Variants in TMPRSS11D observed in about 807,000 individuals in gnomAD.
The protein encoded by TMPRSS11D is transmembrane protease serine 11D.
TMPRSS11D carries 32 observed loss-of-function variants against 44.4 expected under a neutral mutation model. That is an observed-to-expected ratio of 0.72 (90% CI 0.54 to 0.97). The LOEUF (loss-of-function observed/expected upper bound fraction) is 0.97, where lower values mean the gene tolerates loss of function less well. Among genes scored for constraint, TMPRSS11D ranks in the 50% least tolerant of loss-of-function variants. The pLI is 0.00. For synonymous variants in TMPRSS11D, 179 were observed against 177.9 expected, an observed-to-expected ratio of 1.01 and a Z score of -0.05; for missense variants, 446 against 502.6, an observed-to-expected ratio of 0.89 and a Z score of 1.08.
chr4:67,844,024 C>G (rs1718298645), intron 3 of TMPRSS11D, among the ~76,000 whole-genome samples: 1 of 152,232 alleles, frequency 6.6e-6, no homozygotes, highest in Non-Finnish European at 1.5e-5. Flanking sequence ...TGAGGCATAA[C>G]ATTCAGATTC....
rs1718200925 is a variant in TMPRSS11D at position 67,840,235 on chromosome 4, G to A, written c.318-1906C>T. Among the ~76,000 whole-genome samples, 3 of 152,196 alleles carry A rather than the reference G, an allele frequency of 2.0e-5. No homozygotes were observed. In the South Asian group the frequency reaches 6.2e-4, roughly 32 times the overall value. The stretch of plus-strand genomic sequence containing the variant: ...CAAAGAAAAGAGGTCCTGCATGGCT[G>A]CGGAGGCCTCAGGAAATTTACAATC... On this transcript the variant is annotated intron_variant, in intron 4 of 9. Transcript: ENST00000283916.
At chr4:67,851,879 G>A (rs139851858) in intron 3 of TMPRSS11D, among the ~76,000 whole-genome samples, 1 of 152,096 alleles carries the variant, frequency 6.6e-6, no homozygotes, top group African/African-American at 2.4e-5. Context: ...CTATTCCCTG[G>A]CAGCACTTCT....
At position 67,841,209 on chromosome 4, in the gene TMPRSS11D, C is replaced by T. The variant is rs111294214; in HGVS notation, c.317+1349G>A. Among the ~76,000 whole-genome samples the T allele has an allele frequency of 8.7e-4, 132 of 152,162 alleles. 1 individual carries two copies. Among genetic ancestry groups the T allele is most frequent in the African/African-American group, 3.1e-3 (128 of 41,532 alleles). The stretch of plus-strand genomic sequence containing the variant: ...CTAGAGATACAACTTTGAGAGCACT[C>T]AGCATATGGGTGGCAGTGAAGGCCA... On this transcript the variant is annotated intron_variant, in intron 4 of 9. Coordinates refer to ENST00000283916, the MANE Select transcript of TMPRSS11D (RefSeq NM_004262.3).
chr4:67,873,972 T>C (rs1560550381), intron 1 of TMPRSS11D, among the ~76,000 whole-genome samples: 1 of 152,164 alleles, frequency 6.6e-6, no homozygotes, highest in African/African-American at 2.4e-5. Context: ...ATGAAACATA[T>C]AACAACATCT....
chr4:67,822,371 T>A lies in TMPRSS11D; in HGVS notation c.1223A>T (p.Tyr408Phe). Reference sequence around the variant, plus strand: ...AGTTTGTTGCCTAATCCAGTCAAGGTAGGCTGTCACTCGAGTATACACTCC... The same window carrying A: ...AGTTTGTTGCCTAATCCAGTCAAGGAAGGCTGTCACTCGAGTATACACTCC... ...KPGVYTRVTA[Y>F]LDWIRQQTGI is the part of the protein sequence containing the mutation. Residue 408 changes from tyrosine (Y) to phenylalanine (F), a missense_variant, in exon 10 of 10, where the codon TAC becomes TTC. By Grantham distance (22) the Tyr-to-Phe change is conservative. Coordinates refer to ENST00000283916, the MANE Select transcript of TMPRSS11D (RefSeq NM_004262.3). 1 of 1,613,878 alleles carries A rather than the reference T, an allele frequency of 6.2e-7. No individual in the cohort carries two copies. Among genetic ancestry groups the A allele is most frequent in the Non-Finnish European group, 8.5e-7 (1 of 1,179,818 alleles).
intron 6 of TMPRSS11D, among the ~76,000 whole-genome samples, chr4:67,833,860 T>G (rs1053579353): frequency 5.3e-5 from 8 of 152,190 alleles, no homozygotes; most frequent in African/African-American, 1.9e-4. Flanking sequence ...GTGAGGTTCA[T>G]GCACACATTG....
intron 1 of TMPRSS11D, among the ~76,000 whole-genome samples, chr4:67,866,044 A>G (rs547418838): frequency 1.3e-5 from 2 of 152,090 alleles, no homozygotes; most frequent in African/African-American, 4.8e-5. Flanking sequence ...CACACACACA[A>G]GAAGGGAAAA....
intron 1 of TMPRSS11D, among the ~76,000 whole-genome samples, chr4:67,865,457 A>C (rs957400715): frequency 6.6e-5 from 10 of 152,060 alleles, no homozygotes; most frequent in African/African-American, 1.9e-4. Flanking sequence ...CTAAACTAGC[A>C]GAAGAAAATA....
intron 5 of TMPRSS11D, among the ~76,000 whole-genome samples, chr4:67,836,471 G>A (rs1355354526): frequency 6.6e-6 from 1 of 152,036 alleles, no homozygotes; most frequent in African/African-American, 2.4e-5. Context: ...ACAAGGTTTG[G>A]GTATCACATT....
intron 1 of TMPRSS11D, among the ~76,000 whole-genome samples, chr4:67,876,360 GTCTT>G (rs1415746945): frequency 1.1e-4 from 16 of 152,076 alleles, no homozygotes; most frequent in African/African-American, 3.9e-4. Context: ...AAATTTGGTA[GTCTT>G]TCTATATGTA....
intron 1 of TMPRSS11D, among the ~76,000 whole-genome samples, chr4:67,880,223 T>A (rs573253818): frequency 6.6e-6 from 1 of 152,342 alleles, no homozygotes; most frequent in East Asian, 1.9e-4. Flanking sequence ...TTTTTATTAA[T>A]AGATGTCTCG....
chr4:67,871,888 T>C (rs1269942394), intron 1 of TMPRSS11D, among the ~76,000 whole-genome samples: 1 of 152,142 alleles, frequency 6.6e-6, no homozygotes, highest in African/African-American at 2.4e-5. Flanking sequence ...TTTAAGTAAA[T>C]TTCTCTAGGA....
At chr4:67,874,285 G>T (rs971122114) in intron 1 of TMPRSS11D, among the ~76,000 whole-genome samples, 4 of 148,798 alleles carry the variant, frequency 2.7e-5, no homozygotes, top group African/African-American at 9.9e-5. Flanking sequence ...GTCAAGTAAC[G>T]CATGACTGGT....
chr4:67,825,516 T>C (rs1448880109), intron 9 of TMPRSS11D, among the ~76,000 whole-genome samples: 4 of 152,130 alleles, frequency 2.6e-5, no homozygotes, highest in African/African-American at 9.7e-5. Context: ...TTTGGATGGT[T>C]AACTACTCTG....
intron 5 of TMPRSS11D, among the ~76,000 whole-genome samples, chr4:67,836,046 C>T (rs1367005614): frequency 1.3e-5 from 2 of 152,120 alleles, no homozygotes; most frequent in Non-Finnish European, 2.9e-5. Flanking sequence ...TTATTATATC[C>T]TTTTAGTAAA....
chr4:67,875,136 TAATGA>T lies in TMPRSS11D; in HGVS notation c.8+8785_8+8789del, dbSNP rs369899795. ...ATTTTCCCAGGAGGATTTTGTATTATAATGAAATGAACAGAGTTCCAAGGTCTATG... is the reference window on the plus strand; with the variant it reads ...ATTTTCCCAGGAGGATTTTGTATTATAATGAACAGAGTTCCAAGGTCTATG... On this transcript the variant is annotated intron_variant, in intron 1 of 9. Transcript: ENST00000283916. Among the ~76,000 whole-genome samples, 111 of 152,310 alleles carry T rather than the reference TAATGA, an allele frequency of 7.3e-4. 1 individual carries two copies. Among genetic ancestry groups the T allele is most frequent in the African/African-American group, 2.6e-3 (106 of 41,566 alleles).
rs1491526767 is a variant in TMPRSS11D, at chr4:67,859,683, CAA to C, written c.9-7_9-6del. ...GTCGAAGTTACACGTGCTGGCCTTA[CAA>C]GAGAGAGAGATCAAAGAAAGTCATT... On this transcript the variant is annotated splice_polypyrimidine_tract_variant and splice_region_variant and intron_variant, in intron 1 of 9. Coordinates refer to ENST00000283916, the MANE Select transcript of TMPRSS11D (RefSeq NM_004262.3). The C allele has an allele frequency of 2.0e-5, 33 of 1,612,182 alleles. No homozygotes were observed. Among genetic ancestry groups the C allele is most frequent in the African/African-American group, 1.2e-4 (9 of 74,948 alleles).
intron 4 of TMPRSS11D, among the ~76,000 whole-genome samples, chr4:67,841,147 T>G (rs1354856151): frequency 2.9e-4 from 44 of 152,120 alleles, no homozygotes; most frequent in Admixed American, 2.9e-3. Context: ...AGTAGATGGC[T>G]GCATATATTC....
At chr4:67,880,389 G>T (rs564610902) in intron 1 of TMPRSS11D, among the ~76,000 whole-genome samples, 1 of 152,246 alleles carries the variant, frequency 6.6e-6, no homozygotes, top group South Asian at 2.1e-4. Flanking sequence ...AAGAGCAGGA[G>T]ATGAGAAATG....
Sources: gnomAD v4.1 joint callset for allele counts (sites outside exome capture counted in the v4.1 genomes callset) on GRCh38, gnomAD v4.1.1 for gene constraint, MANE v1.5 for transcripts, NCBI Gene and HGNC (gene_info 2026-07-23, HGNC 2026-07-21) for gene names.